The following KANSL1L variants were observed in gnomAD, a reference collection of about 807,000 sequenced individuals.
KANSL1L encodes the protein KAT8 regulatory NSL complex subunit 1 like.
In KANSL1L, 25 loss-of-function variants were observed where a neutral mutation model predicts 108.6. The observed-to-expected ratio is 0.23, with a 90% confidence interval of 0.17 to 0.32. KANSL1L has a LOEUF of 0.32. Ranked by LOEUF, KANSL1L falls within the 10% of genes least tolerant of loss-of-function variation. The probability of loss-of-function intolerance (pLI) is 1.00; values close to 1 mark genes in which losing one functional copy is unlikely to be tolerated. For missense variants in KANSL1L, 1,137 were observed against 1,125.7 expected (o/e 1.01, Z -0.14); for synonymous variants, 405 against 395.1 (o/e 1.03, Z -0.30).
chr2:210,157,791 G>A (rs376424399), intron 1 of KANSL1L, among the ~76,000 whole-genome samples: 17 of 149,140 alleles, frequency 1.1e-4, no homozygotes, highest in African/African-American at 3.4e-4. Context: ...GAGGTGGATC[G>A]TTTGAGCCCA....
chr2:210,151,146 G>A (rs2095300658), intron 2 of KANSL1L, among the ~76,000 whole-genome samples: 1 of 152,054 alleles, frequency 6.6e-6, no homozygotes, highest in South Asian at 2.1e-4. Context: ...CTCCCAGGTA[G>A]CTGGGACTAC....
intron 4 of KANSL1L, 189 bp downstream of exon 4, chr2:210,103,915 T>G: frequency 2.8e-6 from 1 of 353,678 alleles, no homozygotes; most frequent in Non-Finnish European, 5.0e-6. Flanking sequence ...ATTTAAATAA[T>G]TTAAATTATA....
intron 1 of KANSL1L, among the ~76,000 whole-genome samples, chr2:210,168,219 T>C (rs1688103742): frequency 6.6e-6 from 1 of 152,102 alleles, no homozygotes; most frequent in Non-Finnish European, 1.5e-5. Context: ...CATTCCTTTC[T>C]GTTTGTATCT....
chr2:210,155,177 C>T (rs1004017288), intron 1 of KANSL1L: 3 of 152,152 alleles, frequency 2.0e-5, no homozygotes, highest in South Asian at 2.1e-4. Context: ...TTTGGGGTGC[C>T]GAGGTAGGCG....
At chr2:210,054,632 T>G (rs1255787494) in intron 6 of KANSL1L, among the ~76,000 whole-genome samples, 1 of 152,126 alleles carries the variant, frequency 6.6e-6, no homozygotes, top group Admixed American at 6.5e-5. Context: ...AAACTCACAG[T>G]TTATATCATA....
At chr2:210,105,873 CA>C (rs1464743099) in intron 3 of KANSL1L, among the ~76,000 whole-genome samples, 1 of 151,872 alleles carries the variant, frequency 6.6e-6, no homozygotes, top group Non-Finnish European at 1.5e-5. Context: ...GAAACATGCT[CA>C]AAAGTTCTTA....
At chr2:210,116,807 T>A (rs75524610) in intron 3 of KANSL1L, among the ~76,000 whole-genome samples, 181 of 152,190 alleles carry the variant, frequency 1.2e-3, no homozygotes, top group Non-Finnish European at 2.0e-3. Context: ...GACTAATAAA[T>A]AACTAACTTT....
Position 210,154,281 on chromosome 2 carries a change from A to G in KANSL1L, c.302T>C (p.Leu101Ser). 6.2e-7 allele frequency: 1 copy of G among 1,613,480 alleles called. No homozygotes were observed. Among genetic ancestry groups the G allele is most frequent in the Non-Finnish European group, 8.5e-7 (1 of 1,179,690 alleles). ...CAGCTTATTGCAACTGGGCTCCCCT[A>G]ATTTCTTTTGTTTATAATTCTCATT... ...KHNENYKQKKLGEPSCNKLKN... is the reference protein window; with the variant it reads ...KHNENYKQKKSGEPSCNKLKN... The change falls in exon 2 of 15, where the codon TTA (leucine) becomes TCA (serine). Residue 101 changes from leucine to serine, a missense_variant. By Grantham distance (145) the Leu-to-Ser change is moderately radical. This residue lies in a region of KANSL1L where 556 missense variants were observed against 537.7 expected (regional missense o/e 1.03). Coordinates refer to ENST00000281772, the MANE Select transcript of KANSL1L (RefSeq NM_152519.4).
In KANSL1L at chr2:210,040,505, A is replaced by G; in HGVS notation, c.1944T>C (p.Phe648=). 1 of 1,551,218 alleles carries G rather than the reference A, an allele frequency of 6.4e-7. No individual in the cohort carries two copies. The highest frequency in any genetic ancestry group is 8.8e-7 in the Non-Finnish European group (1 of 1,140,668). The change falls in exon 8 of 15, where the codon TTT becomes TTC. Residue 648 remains phenylalanine (F), a synonymous_variant. Transcript: ENST00000281772. The part of the protein sequence containing the change: ...LPSDVPLHFH[F]ETLLKKTEIK... ...TTTCAGTCTTTTTTAACAGTGTTTC[A>G]AAGTGAAAATGAAGAGGCACATCTG...
chr2:210,029,628 T>A (rs565845777), intron 10 of KANSL1L, among the ~76,000 whole-genome samples, 175 bp downstream of exon 10: 1 of 151,682 alleles, frequency 6.6e-6, no homozygotes, highest in East Asian at 1.9e-4. Context: ...TTTAGCTTCA[T>A]AGTTAAAAAT....
chr2:210,157,059 A>C (rs777115462), intron 1 of KANSL1L, among the ~76,000 whole-genome samples: 40 of 152,264 alleles, frequency 2.6e-4, no homozygotes, highest in Non-Finnish European at 5.0e-4. Flanking sequence ...AACAATTCTA[A>C]AACAAGCTAG....
intron 1 of KANSL1L, among the ~76,000 whole-genome samples, chr2:210,160,152 A>C (rs1317297639): frequency 6.6e-6 from 1 of 152,252 alleles, no homozygotes; most frequent in African/African-American, 2.4e-5. Context: ...TCATGAGAAA[A>C]ACTCAGCAAA....
Position 210,022,322 on chromosome 2 carries a change from CA to C in KANSL1L, c.*626del, listed in dbSNP as rs1048972703. The C allele has an allele frequency of 6.6e-6, 1 of 152,260 alleles. No individual in the cohort carries two copies. The highest frequency in any genetic ancestry group is 6.6e-5 in the Admixed American group (1 of 15,250). The allele number at this position is 152,260 out of a possible 1,614,324, so 9.4% of individuals were successfully genotyped here. A position where few individuals can be genotyped will look rare whatever the true frequency, so the allele number is the denominator to read the frequency against. ...CATGTTAAAACAACAACAACAACAA[CA>C]AAAAACTTCTGTCTCTATATTCAGG... On this transcript the variant is annotated 3_prime_UTR_variant, in exon 15 of 15. Transcript: ENST00000281772.
At chr2:210,076,781 TATC>T (rs1391701225) in intron 5 of KANSL1L, among the ~76,000 whole-genome samples, 1 of 148,594 alleles carries the variant, frequency 6.7e-6, no homozygotes, top group East Asian at 1.9e-4. Context: ...TCATTTATAC[TATC>T]ATATTATATA....
intron 3 of KANSL1L, among the ~76,000 whole-genome samples, chr2:210,118,240 G>C (rs1460871877): frequency 6.9e-6 from 1 of 145,936 alleles, no homozygotes; most frequent in Non-Finnish European, 1.5e-5. Context: ...AGGCCGAGGC[G>C]GGTGGATCAC....
At position 210,022,602 on chromosome 2, in the gene KANSL1L, G is replaced by C. The variant is rs533037863; in HGVS notation, c.*347C>G. 9.9e-6 allele frequency: 2 copies of C among 201,566 alleles called. No individual in the cohort carries two copies. The highest frequency in any genetic ancestry group is 1.9e-4 in the South Asian group (2 of 10,652). 12.5% of individuals were successfully genotyped at this position (201,566 alleles called of 1,614,324 possible). On this transcript the variant is annotated 3_prime_UTR_variant, in exon 15 of 15. Coordinates refer to ENST00000281772, the MANE Select transcript of KANSL1L (RefSeq NM_152519.4). ...TAGCTGTCACTTGGCACACAGGTTT[G>C]TATGTATGTGTATATATATATGTAT...
At chr2:210,141,991 A>G (rs1240909459) in intron 2 of KANSL1L, among the ~76,000 whole-genome samples, 2 of 151,608 alleles carry the variant, frequency 1.3e-5, no homozygotes, top group East Asian at 3.9e-4. Flanking sequence ...ATTGGCCTAT[A>G]ATCTTTTTTT....
At chr2:210,125,546 A>G (rs2095058625) in intron 3 of KANSL1L, among the ~76,000 whole-genome samples, 1 of 152,204 alleles carries the variant, frequency 6.6e-6, no homozygotes, top group African/African-American at 2.4e-5. Context: ...TCCCTTGTAA[A>G]TACTGATACA....
chr2:210,024,244 G>C (rs1274445433), intron 13 of KANSL1L, 43 bp from the exon 14 acceptor site: 2 of 1,481,014 alleles, frequency 1.4e-6, no homozygotes, highest in Non-Finnish European at 1.8e-6. Context: ...TTTATTTTTT[G>C]AGGTCTTGAA....
Sources: allele counts gnomAD v4.1 joint callset (sites outside exome capture counted in the v4.1 genomes callset), GRCh38; gene constraint gnomAD v4.1.1; regional missense constraint gnomAD v4.1.1; transcripts MANE v1.5; gene names NCBI Gene and HGNC (gene_info 2026-07-23, HGNC 2026-07-21).